AKAP6: variants seen among roughly 807,000 people sequenced by gnomAD.
The protein encoded by AKAP6 is A-kinase anchor protein 6.
AKAP6 carries 58 observed loss-of-function variants against 188.5 expected under a neutral mutation model. The ratio of observed to expected loss-of-function variants is 0.31; its 90% confidence interval spans 0.25 to 0.38. The LOEUF is 0.38. Among genes scored for constraint, AKAP6 ranks in the 10% least tolerant of loss-of-function variants. The pLI, the probability that AKAP6 is intolerant of heterozygous loss-of-function variation, is 1.00. For missense variants in AKAP6, 2,710 were observed against 2,740.0 expected, an observed-to-expected ratio of 0.99 and a Z score of 0.24; for synonymous variants, 989 against 998.6, an observed-to-expected ratio of 0.99 and a Z score of 0.18.
chr14:32,752,498 G>A (rs1239468557), intron 11 of AKAP6, among the ~76,000 whole-genome samples: 1 of 152,110 alleles, frequency 6.6e-6, no homozygotes, highest in Admixed American at 6.5e-5. Flanking sequence ...CTTTATTAAG[G>A]TATAACAGAC....
At chr14:32,360,042 A>G (rs1014431938) in intron 1 of AKAP6, among the ~76,000 whole-genome samples, 1 of 152,180 alleles carries the variant, frequency 6.6e-6, no homozygotes, top group Admixed American at 6.5e-5. Context: ...CTATCAAAGA[A>G]TCTGTGGATT....
intron 12 of AKAP6, among the ~76,000 whole-genome samples, chr14:32,815,563 A>G (rs2034356312): frequency 6.6e-6 from 1 of 152,240 alleles, no homozygotes; most frequent in South Asian, 2.1e-4. Flanking sequence ...ATGAAAAGAC[A>G]AATGTATCAC....
Position 32,821,788 on chromosome 14 carries a change from T to C in AKAP6, c.3975T>C (p.Ser1325=), listed in dbSNP as rs1487179480. Residue 1325 remains serine (S), a synonymous_variant, in exon 13 of 14, where the codon AGT becomes AGC. Transcript: ENST00000280979. ...TQPNVLTKSL[S]KDSSFSSTKS... ...CTAATGTTTTAACTAAGAGTCTCAG[T>C]AAAGACTCTTCATTTTCATCTACCA... The C allele has an allele frequency of 6.2e-7, 1 of 1,613,658 alleles. No individual in the cohort carries two copies. The highest frequency in any genetic ancestry group is 8.5e-7 in the Non-Finnish European group (1 of 1,179,904).
chr14:32,608,969 A>G (rs1462517922), intron 7 of AKAP6, among the ~76,000 whole-genome samples: 1 of 152,250 alleles, frequency 6.6e-6, no homozygotes, highest in East Asian at 1.9e-4. Context: ...AAAACTAATA[A>G]GTAAATTCTT....
chr14:32,428,243 T>C (rs1484850235), intron 1 of AKAP6, among the ~76,000 whole-genome samples: 1 of 152,198 alleles, frequency 6.6e-6, no homozygotes, highest in East Asian at 1.9e-4. Context: ...TTTTCCATAG[T>C]GATCCTTGTT....
intron 7 of AKAP6, among the ~76,000 whole-genome samples, chr14:32,617,652 G>T (rs1886636071): frequency 6.6e-6 from 1 of 152,120 alleles, no homozygotes; most frequent in African/African-American, 2.4e-5. Flanking sequence ...TTGAGACAGG[G>T]TCTTGCTCTG....
At chr14:32,828,873 C>T (rs904487171) in intron 13 of AKAP6, among the ~76,000 whole-genome samples, 8 of 152,230 alleles carry the variant, frequency 5.3e-5, no homozygotes, top group African/African-American at 1.7e-4. Flanking sequence ...TCCAACTCCC[C>T]ATGGCTCCAG....
intron 9 of AKAP6, among the ~76,000 whole-genome samples, chr14:32,696,515 A>AT (rs1890409723): frequency 6.6e-6 from 1 of 152,146 alleles, no homozygotes. Flanking sequence ...GAAAAAAGAA[A>AT]TTTGCCTTTG....
Position 32,331,846 on chromosome 14 carries a change from C to T in AKAP6, c.-35+2438C>T, listed in dbSNP as rs145024949. On this transcript the variant is annotated intron_variant, in intron 1 of 13. Transcript: ENST00000280979. ...TTGGACAGAGTTTAGGCCATGGAAG[C>T]CTCACAAGAAGTTAATGTCCTCTAT... is the stretch of plus-strand genomic sequence containing the variant. Among the ~76,000 whole-genome samples the T allele has an allele frequency of 2.3e-3, 352 of 152,166 alleles. 1 individual carries two copies. Among genetic ancestry groups the T allele is most frequent in the Non-Finnish European group, 3.7e-3 (253 of 67,970 alleles).
At chr14:32,359,236 G>A (rs1887578494) in intron 1 of AKAP6, among the ~76,000 whole-genome samples, 1 of 152,068 alleles carries the variant, frequency 6.6e-6, no homozygotes, top group African/African-American at 2.4e-5. Flanking sequence ...CCTTCTGAGA[G>A]GAGCCTTTTC....
At chr14:32,629,336 A>T (rs957033909) in intron 7 of AKAP6, among the ~76,000 whole-genome samples, 1 of 151,034 alleles carries the variant, frequency 6.6e-6, no homozygotes, top group South Asian at 2.1e-4. Context: ...TGTCATTTAA[A>T]CGTGTCACAT....
At chr14:32,550,681 CTGGAAAATATAA>C (rs1883419225) in intron 4 of AKAP6, among the ~76,000 whole-genome samples, 2 of 152,178 alleles carry the variant, frequency 1.3e-5, no homozygotes, top group African/African-American at 4.8e-5. Context: ...CCCATTCTGC[CTGGAAAATATAA>C]TGACAGAGGA....
At chr14:32,404,554 C>T (rs536446173) in intron 1 of AKAP6, among the ~76,000 whole-genome samples, 1 of 151,248 alleles carries the variant, frequency 6.6e-6, no homozygotes, top group African/African-American at 2.4e-5. Context: ...AATTAAATAA[C>T]TAATATCAAC....
chr14:32,492,086 T>C lies in AKAP6; in HGVS notation c.325-43468T>C, dbSNP rs181704614. Among the ~76,000 whole-genome samples, 33 of 152,130 alleles carry C rather than the reference T, an allele frequency of 2.2e-4. No individual in the cohort carries two copies. In the East Asian group the frequency reaches 5.2e-3, roughly 24 times the overall value. On this transcript the variant is annotated intron_variant, in intron 2 of 13. Transcript: ENST00000280979. ...CACCCTTGCAAACTAAGCTCTTCTC[T>C]GTTATTCTCAGCCCCCTCAACAAAA... is the stretch of plus-strand genomic sequence containing the variant.
chr14:32,489,346 C>T (rs1879874563), intron 2 of AKAP6, among the ~76,000 whole-genome samples: 1 of 152,070 alleles, frequency 6.6e-6, no homozygotes, highest in South Asian at 2.1e-4. Flanking sequence ...GTAGCTAGGA[C>T]TCCAGGCAGA....
At chr14:32,807,810 G>A (rs1025974831) in intron 12 of AKAP6, among the ~76,000 whole-genome samples, 1 of 152,100 alleles carries the variant, frequency 6.6e-6, no homozygotes, top group Non-Finnish European at 1.5e-5. Context: ...TTCTCACATT[G>A]TTTGTTTCCT....
At chr14:32,780,730 A>ACTAGCCTGAGC (rs1281357664) in intron 12 of AKAP6, among the ~76,000 whole-genome samples, 1 of 152,176 alleles carries the variant, frequency 6.6e-6, no homozygotes, top group African/African-American at 2.4e-5. Context: ...TCAGCCTGAG[A>ACTAGCCTGAGC]CTAGCCTGAG....
chr14:32,524,603 G>C (rs761448486), intron 2 of AKAP6, among the ~76,000 whole-genome samples: 1 of 152,144 alleles, frequency 6.6e-6, no homozygotes, highest in Non-Finnish European at 1.5e-5. Flanking sequence ...TGCTGCCCTA[G>C]AGATTATTAC....
chr14:32,769,037 A>ATT (rs544997334), intron 11 of AKAP6, among the ~76,000 whole-genome samples: 6,175 of 56,358 alleles, frequency 0.11, 1,732 homozygotes, highest in African/African-American at 0.25. Context: ...TGCTCTTTTG[A>ATT]TTTTTTTTTT....
Sources: allele counts gnomAD v4.1 joint callset (sites outside exome capture counted in the v4.1 genomes callset), GRCh38; gene constraint gnomAD v4.1.1; transcripts MANE v1.5; gene names NCBI Gene and HGNC (gene_info 2026-07-23, HGNC 2026-07-21).